Variants in CWC22 observed in about 807,000 individuals in gnomAD.
The protein encoded by CWC22 is CWC22 spliceosome associated protein.
CWC22 carries 53 observed loss-of-function variants against 117.2 expected under a neutral mutation model. The observed-to-expected ratio is 0.45, with a 90% CI of 0.36 to 0.57. The LOEUF (loss-of-function observed/expected upper bound fraction) is 0.57. Among genes scored for constraint, CWC22 ranks in the 20% least tolerant of loss-of-function variants. The pLI is 0.00. For synonymous variants in CWC22, 360 were observed against 355.6 expected (o/e 1.01, Z -0.14); for missense variants, 980 against 1,068.8 (o/e 0.92, Z 1.16).
At position 179,986,961 on chromosome 2, in the gene CWC22, T is replaced by C. The variant is rs759969554; in HGVS notation, c.96-156A>G. On this transcript the variant is annotated intron_variant, in intron 3 of 19. Transcript: ENST00000410053. ...GCTCATTTTGCTAACACCCATTCAT[T>C]CCATCAGAATTACAAAAGCTTTCAG... is the stretch of plus-strand genomic sequence containing the variant. Among the ~76,000 whole-genome samples, 99 of 152,196 alleles carry C rather than the reference T, an allele frequency of 6.5e-4. 1 individual carries two copies. The highest frequency in any genetic ancestry group is 1.1e-3 in the Non-Finnish European group (77 of 68,026).
intron 1 of CWC22, among the ~76,000 whole-genome samples, chr2:180,002,936 G>A (rs1051999542): frequency 3.0e-4 from 45 of 152,190 alleles, no homozygotes; most frequent in African/African-American, 9.7e-4. Flanking sequence ...GGATCCTCAA[G>A]GTTCTTGGTC....
At chr2:179,969,839 T>C (rs1343879418) in intron 11 of CWC22, among the ~76,000 whole-genome samples, 1 of 152,062 alleles carries the variant, frequency 6.6e-6, no homozygotes, top group South Asian at 2.1e-4. Context: ...AATGTGAAAA[T>C]AGTAACTAAT....
intron 11 of CWC22, 85 bp downstream of exon 11, chr2:179,970,416 T>G: frequency 2.4e-6 from 3 of 1,259,700 alleles, no homozygotes; most frequent in Non-Finnish European, 3.3e-6. Flanking sequence ...GGTGGGGATC[T>G]CTAAATATTT....
chr2:179,961,117 A>G (rs978402478), intron 13 of CWC22, among the ~76,000 whole-genome samples: 1 of 152,048 alleles, frequency 6.6e-6, no homozygotes, highest in Non-Finnish European at 1.5e-5. Flanking sequence ...AATAGTAAAT[A>G]TAAAATAACT....
intron 12 of CWC22, among the ~76,000 whole-genome samples, chr2:179,965,669 C>T (rs960353216): frequency 6.6e-6 from 1 of 152,192 alleles, no homozygotes; most frequent in Non-Finnish European, 1.5e-5. Context: ...CTTGGCAATA[C>T]TGGCATTTTG....
intron 14 of CWC22, among the ~76,000 whole-genome samples, chr2:179,958,567 GT>G (rs992196062): frequency 1.3e-5 from 2 of 149,930 alleles, no homozygotes; most frequent in East Asian, 1.9e-4. Context: ...GCAAATTTTT[GT>G]TTTTTTAGCT....
At chr2:179,991,637 C>T (rs896686162) in intron 2 of CWC22, among the ~76,000 whole-genome samples, 1 of 152,118 alleles carries the variant, frequency 6.6e-6, no homozygotes, top group African/African-American at 2.4e-5. Flanking sequence ...AAACATTTCT[C>T]CCTTTGAGTA....
intron 11 of CWC22, among the ~76,000 whole-genome samples, chr2:179,966,229 G>A (rs1008046274): frequency 2.0e-5 from 3 of 152,092 alleles, no homozygotes; most frequent in Non-Finnish European, 4.4e-5. Flanking sequence ...ACAAGGAGAT[G>A]AAAAAAACAA....
At chr2:179,971,160 ATC>A (rs1411489269) in intron 8 of CWC22, 84 bp from the exon 9 acceptor site, 3 of 979,464 alleles carry the variant, frequency 3.1e-6, no homozygotes, top group East Asian at 5.5e-5. Flanking sequence ...AAATTAGTAA[ATC>A]TGTTTACAAT....
In CWC22 at chr2:179,965,075, TCTTA is replaced by T. The variant is rs543737769; in HGVS notation, c.1316-451_1316-448del. Among the ~76,000 whole-genome samples the T allele has an allele frequency of 5.6e-3, 828 of 147,404 alleles. 9 individuals carry two copies. The highest frequency in any genetic ancestry group is 0.019 in the African/African-American group (781 of 40,558). On this transcript the variant is annotated intron_variant, in intron 12 of 19. Coordinates refer to ENST00000410053, the MANE Select transcript of CWC22 (RefSeq NM_020943.3). ...AATACATATATTTGTTAAAATTTTC[TCTTA>T]TTTAATGCATGAAAACTTTCCTTAT...
At chr2:179,962,183 G>C (rs1686768810) in intron 13 of CWC22, among the ~76,000 whole-genome samples, 1 of 152,016 alleles carries the variant, frequency 6.6e-6, no homozygotes, top group South Asian at 2.1e-4. Context: ...TATAAAAAAG[G>C]GTATTTAAGG....
intron 19 of CWC22, among the ~76,000 whole-genome samples, chr2:179,950,026 A>G (rs1384822073): frequency 2.0e-5 from 3 of 152,194 alleles, no homozygotes; most frequent in African/African-American, 4.8e-5. Flanking sequence ...GAGAGGAAAC[A>G]CAGAGAACTT....
chr2:179,950,006 T>G (rs906618408), intron 19 of CWC22, among the ~76,000 whole-genome samples: 12 of 151,120 alleles, frequency 7.9e-5, no homozygotes, highest in Non-Finnish European at 1.5e-4. Flanking sequence ...ATGGAAGGAG[T>G]AGTAACTGGG....
At chr2:179,959,459 T>C (rs1575641436) in intron 13 of CWC22, among the ~76,000 whole-genome samples, 1 of 152,120 alleles carries the variant, frequency 6.6e-6, no homozygotes, top group Non-Finnish European at 1.5e-5. Context: ...AATTAGACAA[T>C]GATGATGGTT....
Position 179,975,201 on chromosome 2 carries a change from T to C in CWC22, c.582-1399A>G, listed in dbSNP as rs974074827. ...AATTGCTTAAAGCCACATATTCTTA[T>C]AGAATACGGTGATTCCCTTCTGCTT... On this transcript the variant is annotated intron_variant, in intron 6 of 19. Transcript: ENST00000410053. 5.3e-5 allele frequency among the ~76,000 whole-genome samples: 8 copies of C among 152,224 alleles called. No homozygotes were observed. In the East Asian group the frequency reaches 9.6e-4, roughly 18 times the overall value.
chr2:179,987,755 T>C (rs1008927777), intron 3 of CWC22, among the ~76,000 whole-genome samples: 1 of 152,212 alleles, frequency 6.6e-6, no homozygotes, highest in Non-Finnish European at 1.5e-5. Flanking sequence ...ATAGACCATA[T>C]GCTTAATGGT....
At chr2:179,986,917 T>A (rs1405113121) in intron 3 of CWC22, 112 bp from the exon 4 acceptor site, 1 of 538,432 alleles carries the variant, frequency 1.9e-6, no homozygotes, top group African/African-American at 2.0e-5. Context: ...AACAACATCG[T>A]GTCAAACTGT....
intron 6 of CWC22, 97 bp downstream of exon 6, chr2:179,978,093 A>C: frequency 8.0e-7 from 1 of 1,245,184 alleles, no homozygotes; most frequent in Non-Finnish European, 1.0e-6. Flanking sequence ...CTTTGAAATG[A>C]AGTAGCACAA....
chr2:179,991,515 C>A (rs1287793296), intron 2 of CWC22, among the ~76,000 whole-genome samples: 1 of 152,140 alleles, frequency 6.6e-6, no homozygotes, highest in African/African-American at 2.4e-5. Flanking sequence ...AATGAAGCCA[C>A]CCACGGGCAG....
Sources: gnomAD v4.1 joint callset for allele counts (sites outside exome capture counted in the v4.1 genomes callset) on GRCh38, gnomAD v4.1.1 for gene constraint, MANE v1.5 for transcripts, NCBI Gene and HGNC (gene_info 2026-07-23, HGNC 2026-07-21) for gene names.